The following SDK1 variants were observed in gnomAD, a reference collection of about 807,000 sequenced individuals.
SDK1 encodes protein sidekick-1.
A neutral mutation model predicts 245.5 loss-of-function variants in SDK1; 157 were observed. That is an observed-to-expected ratio of 0.64 (90% CI 0.56 to 0.73). The LOEUF (loss-of-function observed/expected upper bound fraction) is 0.73. Ranked by LOEUF, SDK1 falls within the 30% of genes least tolerant of loss-of-function variation. The pLI is 0.00. For synonymous variants in SDK1, 1,647 were observed against 1,278.5 expected (o/e 1.29, Z -6.15); for missense variants, 3,583 against 3,002.3 (o/e 1.19, Z -4.52).
chr7:3,982,704 G>C (rs1289631738), intron 13 of SDK1, among the ~76,000 whole-genome samples: 1 of 152,144 alleles, frequency 6.6e-6, no homozygotes, highest in Non-Finnish European at 1.5e-5. Flanking sequence ...GCCGGGCTTG[G>C]TGGCGGGTGC....
chr7:3,980,392 A>C (rs950397921), intron 13 of SDK1, among the ~76,000 whole-genome samples: 16 of 152,154 alleles, frequency 1.1e-4, no homozygotes. Flanking sequence ...GTGACTCAGC[A>C]CTGGGCTTCG....
intron 20 of SDK1, among the ~76,000 whole-genome samples, chr7:4,076,555 G>GATAC (rs1157662775): frequency 6.3e-5 from 9 of 141,888 alleles, no homozygotes; most frequent in African/African-American, 2.4e-4. Flanking sequence ...AAAATAAATA[G>GATAC]ATAGATACAT....
intron 1 of SDK1, among the ~76,000 whole-genome samples, chr7:3,596,665 T>C (rs1399219595): frequency 1.3e-5 from 2 of 152,106 alleles, no homozygotes; most frequent in Non-Finnish European, 2.9e-5. Context: ...TAGATAAATA[T>C]TACCTGTGCT....
intron 5 of SDK1, among the ~76,000 whole-genome samples, chr7:3,927,771 T>A (rs998956884): frequency 1.3e-5 from 2 of 152,236 alleles, no homozygotes; most frequent in African/African-American, 4.8e-5. Flanking sequence ...ATAAATAGAT[T>A]TCTGAGGTAT....
chr7:3,410,209 A>T (rs1209775069), intron 1 of SDK1, among the ~76,000 whole-genome samples: 2 of 152,206 alleles, frequency 1.3e-5, no homozygotes, highest in African/African-American at 4.8e-5. Context: ...GAGCACTGAC[A>T]TGACACCTCA....
Position 4,222,774 on chromosome 7 carries a change from A to G in SDK1, c.5827+1410A>G, listed in dbSNP as rs190343468. On this transcript the variant is annotated intron_variant, in intron 40 of 44. Transcript: ENST00000404826. Reference sequence around the variant, plus strand: ...TGGAAACAGAGGGTCCTGAGTTGGTAAAGGATGTGAGTTTGGCAGGGGCCT... The same window carrying G: ...TGGAAACAGAGGGTCCTGAGTTGGTGAAGGATGTGAGTTTGGCAGGGGCCT... Among the ~76,000 whole-genome samples, 308 of 152,274 alleles carry G rather than the reference A, an allele frequency of 2.0e-3. 3 individuals are homozygous for G. Among genetic ancestry groups the G allele is most frequent in the Admixed American group, 3.5e-3 (53 of 15,292 alleles).
At chr7:3,454,386 ATTTGTG>A (rs1298732234) in intron 1 of SDK1, among the ~76,000 whole-genome samples, 1 of 58,438 alleles carries the variant, frequency 1.7e-5, no homozygotes, top group Non-Finnish European at 3.9e-5. Context: ...GTTCCCCAAG[ATTTGTG>A]TGTGTGTGTG....
At chr7:4,247,820 C>T (rs569949645) in intron 44 of SDK1, among the ~76,000 whole-genome samples, 13 of 152,264 alleles carry the variant, frequency 8.5e-5, no homozygotes, top group South Asian at 8.3e-4. Flanking sequence ...GTCCAGCAGG[C>T]GGCTGTTGAA....
chr7:3,990,542 T>C (rs1784221889), intron 14 of SDK1, among the ~76,000 whole-genome samples: 1 of 152,224 alleles, frequency 6.6e-6, no homozygotes, highest in Non-Finnish European at 1.5e-5. Context: ...AAAACAGGAC[T>C]TGACAGTGAT....
Position 4,268,487 on chromosome 7 carries a change from A to T in SDK1, c.*3103A>T, listed in dbSNP as rs1788607491. The T allele has an allele frequency of 4.3e-6, 5 of 1,176,232 alleles. No individual in the cohort carries two copies. The Admixed American group carries it at 1.5e-4, about 34-fold the overall frequency. The allele number at this position is 1,176,232 out of a possible 1,614,324, so 72.9% of individuals were successfully genotyped here. On this transcript the variant is annotated 3_prime_UTR_variant, in exon 45 of 45. Transcript: ENST00000404826. ...CTTCACTCAATGCTGTAGCCAAAAA[A>T]CGAGGGGCCCCAGGGAGAGGGGACC...
At chr7:3,492,859 TGATAAA>T (rs995278852) in intron 1 of SDK1, among the ~76,000 whole-genome samples, 2 of 152,244 alleles carry the variant, frequency 1.3e-5, no homozygotes, top group Non-Finnish European at 2.9e-5. Flanking sequence ...ACTAAAATTT[TGATAAA>T]GATAAGAAAA....
chr7:4,183,964 T>A (rs1362250137), intron 35 of SDK1, among the ~76,000 whole-genome samples: 1 of 152,120 alleles, frequency 6.6e-6, no homozygotes, highest in Non-Finnish European at 1.5e-5. Flanking sequence ...GACATCTCAG[T>A]TGTTTGGCCT....
chr7:3,582,094 TCTCAGGTAGGTCTCC>T (rs1383124539), intron 1 of SDK1, among the ~76,000 whole-genome samples: 5 of 136,620 alleles, frequency 3.7e-5, no homozygotes, highest in South Asian at 2.4e-4. Flanking sequence ...GGTAGGCCTG[TCTCAGGTAGGTCTCC>T]CTCAGGTAGG....
At chr7:3,983,092 T>C (rs956306394) in intron 13 of SDK1, among the ~76,000 whole-genome samples, 1 of 152,154 alleles carries the variant, frequency 6.6e-6, no homozygotes, top group Non-Finnish European at 1.5e-5. Flanking sequence ...TTCTTATAGA[T>C]GAGCAAAGCA....
At chr7:3,765,130 C>G (rs993293095) in intron 4 of SDK1, among the ~76,000 whole-genome samples, 1 of 151,964 alleles carries the variant, frequency 6.6e-6, no homozygotes, top group Non-Finnish European at 1.5e-5. Context: ...TTGAGAATCA[C>G]TGGTTTAGCT....
chr7:3,520,057 T>C (rs1224391199), intron 1 of SDK1, among the ~76,000 whole-genome samples: 1 of 152,242 alleles, frequency 6.6e-6, no homozygotes, highest in Non-Finnish European at 1.5e-5. Context: ...TTTAAAGTTG[T>C]TCTTATTAAA....
chr7:3,421,439 C>A (rs894624974), intron 1 of SDK1, among the ~76,000 whole-genome samples: 8 of 152,114 alleles, frequency 5.3e-5, no homozygotes, highest in Non-Finnish European at 1.0e-4. Context: ...TTATGATATT[C>A]ATAATTACCA....
chr7:3,381,667 G>A (rs913347180), intron 1 of SDK1, among the ~76,000 whole-genome samples: 1 of 152,180 alleles, frequency 6.6e-6, no homozygotes. Context: ...GAGGTGGAAG[G>A]GGTTGAGATC....
intron 1 of SDK1, among the ~76,000 whole-genome samples, chr7:3,463,239 A>G (rs1205296096): frequency 6.6e-6 from 1 of 152,194 alleles, no homozygotes; most frequent in Admixed American, 6.5e-5. Flanking sequence ...TTTGATTAAT[A>G]TCTCAGTAAC....
Sources: gnomAD v4.1 joint callset for allele counts (sites outside exome capture counted in the v4.1 genomes callset) on GRCh38, gnomAD v4.1.1 for gene constraint, MANE v1.5 for transcripts, NCBI Gene and HGNC (gene_info 2026-07-23, HGNC 2026-07-21) for gene names.